Variants in RGS7 observed in about 807,000 individuals in gnomAD.
The protein encoded by RGS7 is regulator of G protein signaling 7.
In RGS7, 27 loss-of-function variants were observed where a neutral mutation model predicts 81.1. The ratio of observed to expected loss-of-function variants is 0.33; its 90% confidence interval spans 0.25 to 0.46. The LOEUF (loss-of-function observed/expected upper bound fraction) is 0.46, where lower values mean the gene tolerates loss of function less well. RGS7 is among the 20% of genes least tolerant of loss of function. The pLI is 1.00. For synonymous variants in RGS7, 208 were observed against 207.7 expected (o/e 1.00, Z -0.01); for missense variants, 396 against 607.4 (o/e 0.65, Z 3.66).
intron 2 of RGS7, among the ~76,000 whole-genome samples, chr1:241,240,611 T>C (rs1025268081): frequency 6.6e-6 from 1 of 152,148 alleles, no homozygotes; most frequent in African/African-American, 2.4e-5. Context: ...TACATGTTGG[T>C]GTTGTGTGCA....
At chr1:240,861,834 C>T (rs1268058969) in intron 9 of RGS7, among the ~76,000 whole-genome samples, 3 of 152,140 alleles carry the variant, frequency 2.0e-5, no homozygotes, top group African/African-American at 4.8e-5. Flanking sequence ...AAGTATGGTG[C>T]AGAGGATTGG....
At chr1:241,176,276 C>A (rs1466399817) in intron 2 of RGS7, among the ~76,000 whole-genome samples, 1 of 152,148 alleles carries the variant, frequency 6.6e-6, no homozygotes, top group Admixed American at 6.5e-5. Context: ...GCATAGAAAG[C>A]CTTGAAAATG....
chr1:240,914,761 A>C (rs1367073415), intron 6 of RGS7, among the ~76,000 whole-genome samples: 1 of 152,200 alleles, frequency 6.6e-6, no homozygotes, highest in Non-Finnish European at 1.5e-5. Flanking sequence ...CAAAGAAAAA[A>C]AAAGCTGAAG....
chr1:240,801,142 G>C (rs1413806241), intron 17 of RGS7, among the ~76,000 whole-genome samples: 1 of 151,920 alleles, frequency 6.6e-6, no homozygotes, highest in Non-Finnish European at 1.5e-5. Context: ...CTTTAATAAA[G>C]AAAGGAATAC....
chr1:241,215,729 A>T (rs962404740), intron 2 of RGS7, among the ~76,000 whole-genome samples: 1 of 152,172 alleles, frequency 6.6e-6, no homozygotes, highest in African/African-American at 2.4e-5. Context: ...AACCAATGTC[A>T]TTCCCTTGTT....
chr1:240,871,695 G>A (rs1334606557), intron 6 of RGS7, among the ~76,000 whole-genome samples: 2 of 152,200 alleles, frequency 1.3e-5, no homozygotes, highest in Non-Finnish European at 2.9e-5. Context: ...ACGCCACTGT[G>A]ACTTGAATAA....
rs189862282 is a variant in RGS7 at position 240,890,226 on chromosome 1, C to T, written c.386-20107G>A. ...GGAGGGCAGTGGCGCAATCTCGGCT[C>T]ACTGCAACCTCTGCCTTCTGGGTTC... On this transcript the variant is annotated intron_variant, in intron 6 of 18. Transcript: ENST00000440928. Among the ~76,000 whole-genome samples, 352 of 152,316 alleles carry T rather than the reference C, an allele frequency of 2.3e-3. 2 individuals are homozygous for T. In the Middle Eastern group the frequency reaches 0.024, roughly 10 times the overall value.
intron 2 of RGS7, among the ~76,000 whole-genome samples, chr1:241,291,398 G>A (rs1369278023): frequency 6.6e-6 from 1 of 152,092 alleles, no homozygotes; most frequent in African/African-American, 2.4e-5. Context: ...AAAATCCTTA[G>A]AGGAATTTTC....
At chr1:241,198,549 G>A (rs1318632022) in intron 2 of RGS7, among the ~76,000 whole-genome samples, 1 of 152,086 alleles carries the variant, frequency 6.6e-6, no homozygotes, top group Non-Finnish European at 1.5e-5. Flanking sequence ...TTGAATAGCT[G>A]TATGCCAATG....
chr1:241,035,876 C>T (rs903518840), intron 3 of RGS7, among the ~76,000 whole-genome samples: 6 of 152,150 alleles, frequency 3.9e-5, no homozygotes, highest in Non-Finnish European at 7.4e-5. Flanking sequence ...TCTGGATATG[C>T]CCCACTTCGT....
At chr1:240,942,486 C>T (rs967600808) in intron 4 of RGS7, among the ~76,000 whole-genome samples, 13 of 152,170 alleles carry the variant, frequency 8.5e-5, no homozygotes, top group African/African-American at 2.4e-4. Flanking sequence ...AAAAACTTCA[C>T]TGAATCCTGT....
At chr1:240,920,451 A>T (rs902952493) in intron 6 of RGS7, 2 of 1,107,820 alleles carry the variant, frequency 1.8e-6, no homozygotes, top group Admixed American at 1.7e-5. Context: ...CAATTACAAC[A>T]ATCAATCTTC....
At chr1:241,086,693 C>T (rs1214526801) in intron 3 of RGS7, among the ~76,000 whole-genome samples, 1 of 151,996 alleles carries the variant, frequency 6.6e-6, no homozygotes, top group Non-Finnish European at 1.5e-5. Flanking sequence ...TTTTCAATGG[C>T]TCTTTACTCT....
chr1:241,286,397 T>C, intron 2 of RGS7, among the ~76,000 whole-genome samples: 1 of 152,158 alleles, frequency 6.6e-6, no homozygotes, highest in East Asian at 1.9e-4. Context: ...AGAGATCGTT[T>C]CTTATTATTA....
chr1:241,303,087 T>A (rs1349167806), intron 2 of RGS7, among the ~76,000 whole-genome samples: 1 of 152,230 alleles, frequency 6.6e-6, no homozygotes, highest in African/African-American at 2.4e-5. Context: ...CTTTTATTTC[T>A]AGTAATAAAA....
intron 9 of RGS7, among the ~76,000 whole-genome samples, chr1:240,833,793 T>C (rs895074697): frequency 2.6e-5 from 4 of 152,110 alleles, no homozygotes; most frequent in African/African-American, 7.2e-5. Flanking sequence ...TTTTAAAGTG[T>C]TCAGTCTCAG....
At chr1:240,800,849 G>A in intron 17 of RGS7, 128 bp from the exon 18 acceptor site, 2 of 446,780 alleles carry the variant, frequency 4.5e-6, no homozygotes, top group Non-Finnish European at 8.0e-6. Flanking sequence ...CACATGGCAA[G>A]ATACTAAGAA....
At chr1:240,820,723 G>T (rs1691629032) in intron 10 of RGS7, among the ~76,000 whole-genome samples, 1 of 152,162 alleles carries the variant, frequency 6.6e-6, no homozygotes, top group African/African-American at 2.4e-5. Flanking sequence ...GCTCGCGAAA[G>T]ATATTAAATC....
intron 16 of RGS7, among the ~76,000 whole-genome samples, chr1:240,801,765 C>T (rs566434029): frequency 3.9e-5 from 6 of 152,188 alleles, no homozygotes; most frequent in Admixed American, 3.9e-4. Flanking sequence ...TCAAATTCAG[C>T]CAAAATAAAG....
Sources: gnomAD v4.1 joint callset for allele counts (sites outside exome capture counted in the v4.1 genomes callset) on GRCh38, gnomAD v4.1.1 for gene constraint, MANE v1.5 for transcripts, NCBI Gene and HGNC (gene_info 2026-07-23, HGNC 2026-07-21) for gene names.